PCDHGA5: variants seen among roughly 807,000 people sequenced by gnomAD.
The protein encoded by PCDHGA5 is protocadherin gamma-A5.
In PCDHGA5, 36 loss-of-function variants were observed where a neutral mutation model predicts 56.7. The ratio of observed to expected loss-of-function variants is 0.64; its 90% confidence interval spans 0.49 to 0.84. PCDHGA5 has a LOEUF of 0.84. PCDHGA5 is among the 40% of genes least tolerant of loss of function. PCDHGA5 has a pLI of 0.00. For missense variants in PCDHGA5, 1,305 were observed against 1,201.5 expected, an observed-to-expected ratio of 1.09 and a Z score of -1.27; for synonymous variants, 563 against 520.2, an observed-to-expected ratio of 1.08 and a Z score of -1.12.
At chr5:141,467,564 G>A (rs926613546) in intron 1 of PCDHGA5, among the ~76,000 whole-genome samples, 5 of 152,152 alleles carry the variant, frequency 3.3e-5, no homozygotes, top group Admixed American at 3.3e-4. Flanking sequence ...TTCCCAAATG[G>A]CTATCCAGTT....
intron 1 of PCDHGA5, chr5:141,433,096 C>G: frequency 3.1e-6 from 5 of 1,614,118 alleles, no homozygotes; most frequent in Non-Finnish European, 4.2e-6. Flanking sequence ...CAGACATGCT[C>G]GTCAGCCAGG....
At chr5:141,454,092 T>C (rs552760379) in intron 1 of PCDHGA5, among the ~76,000 whole-genome samples, 2 of 152,316 alleles carry the variant, frequency 1.3e-5, no homozygotes, top group East Asian at 3.9e-4. Flanking sequence ...GAAATTTGAA[T>C]TGAACATAAA....
chr5:141,510,621 A>G (rs1317150967), intron 3 of PCDHGA5, among the ~76,000 whole-genome samples: 1 of 152,176 alleles, frequency 6.6e-6, no homozygotes, highest in Non-Finnish European at 1.5e-5. Flanking sequence ...CACTAAAACC[A>G]GAAGAGGTGG....
intron 1 of PCDHGA5, among the ~76,000 whole-genome samples, chr5:141,456,006 T>C (rs909931677): frequency 6.6e-6 from 1 of 151,852 alleles, no homozygotes; most frequent in Non-Finnish European, 1.5e-5. Flanking sequence ...CATGCCATTC[T>C]CCTGCCTCAG....
intron 3 of PCDHGA5, among the ~76,000 whole-genome samples, chr5:141,505,782 T>A (rs1163025757): frequency 6.6e-6 from 1 of 152,204 alleles, no homozygotes; most frequent in Non-Finnish European, 1.5e-5. Context: ...CTAGCTCTGC[T>A]ACTATCCTTG....
At chr5:141,401,756 A>G (rs560146125) in intron 1 of PCDHGA5, among the ~76,000 whole-genome samples, 2 of 152,332 alleles carry the variant, frequency 1.3e-5, no homozygotes, top group African/African-American at 4.8e-5. Context: ...CTCCCATTAC[A>G]TGGTATAAGT....
At chr5:141,408,847 G>A in intron 1 of PCDHGA5, 1 of 1,613,498 alleles carries the variant, frequency 6.2e-7, no homozygotes, top group African/African-American at 1.3e-5. Flanking sequence ...TGACTGCCTT[G>A]GACGGAGGGG....
At position 141,485,144 on chromosome 5, in the gene PCDHGA5, G is replaced by A; in HGVS notation, c.2422-9663G>A. 6.4e-7 allele frequency: 1 copy of A among 1,564,192 alleles called. No homozygotes were observed. The highest frequency in any genetic ancestry group is 1.7e-5 in the Admixed American group (1 of 59,326). On this transcript the variant is annotated intron_variant, in intron 1 of 3. Transcript: ENST00000518069. This position sits in a 1 kb window ranked among gnomAD's most constrained non-coding sequence, Gnocchi z 5.7. ...CGGGTCGGCTTCATCCGCGTCTCAG[G>A]AGCAAGTAGAGAATTAGCGGGCGGC...
In PCDHGA5 at chr5:141,485,869, G is replaced by A; in HGVS notation, c.2422-8938G>A. On this transcript the variant is annotated intron_variant, in intron 1 of 3. Coordinates refer to ENST00000518069, the MANE Select transcript of PCDHGA5 (RefSeq NM_018918.3). The surrounding 1 kb of genome is among the most constrained non-coding windows in gnomAD (Gnocchi z 5.7). ...GCACCGCAGAGCTCCGGGTATCCGT[G>A]CTGGACGTAAACGACAACGCCCCAG... is the stretch of plus-strand genomic sequence containing the variant. 1 of 1,614,176 alleles carries A rather than the reference G, an allele frequency of 6.2e-7. No individual in the cohort carries two copies. The highest frequency in any genetic ancestry group is 8.5e-7 in the Non-Finnish European group (1 of 1,180,040).
intron 1 of PCDHGA5, chr5:141,403,362 G>C: frequency 6.2e-7 from 1 of 1,614,062 alleles, no homozygotes; most frequent in Non-Finnish European, 8.5e-7. Flanking sequence ...CAGGCCGAAA[G>C]TCTGGAAGTA....
At chr5:141,374,037 C>G (rs1770042713) in intron 1 of PCDHGA5, 8 of 1,446,082 alleles carry the variant, frequency 5.5e-6, no homozygotes, top group Non-Finnish European at 7.3e-6. Context: ...TGATGCAGAT[C>G]TGTTCTTCCT....
intron 1 of PCDHGA5, chr5:141,379,639 A>G (rs1775719450): frequency 6.6e-6 from 1 of 152,198 alleles, no homozygotes; most frequent in African/African-American, 2.4e-5. Context: ...CTCTGATGGA[A>G]AAACTACCAA....
At position 141,485,971 on chromosome 5, in the gene PCDHGA5, C is replaced by T; in HGVS notation, c.2422-8836C>T. On this transcript the variant is annotated intron_variant, in intron 1 of 3. Transcript: ENST00000518069. This position sits in a 1 kb window ranked among gnomAD's most constrained non-coding sequence, Gnocchi z 5.7. Reference sequence around the variant, plus strand: ...GCATGGTGCTCATCCAGCTCAATGCCTCAGACCCGGACCTGGGTCCCAGTG... The same window carrying T: ...GCATGGTGCTCATCCAGCTCAATGCTTCAGACCCGGACCTGGGTCCCAGTG... The T allele has an allele frequency of 6.2e-7, 1 of 1,614,196 alleles. No individual in the cohort carries two copies. The highest frequency in any genetic ancestry group is 8.5e-7 in the Non-Finnish European group (1 of 1,180,042).
chr5:141,502,694 G>A (rs1039264846), intron 2 of PCDHGA5, among the ~76,000 whole-genome samples: 5 of 152,180 alleles, frequency 3.3e-5, no homozygotes, highest in African/African-American at 1.2e-4. Flanking sequence ...ATCCTTGCCT[G>A]TATCTGTTTT....
chr5:141,407,589 C>G (rs1305349867), intron 1 of PCDHGA5, among the ~76,000 whole-genome samples: 1 of 151,660 alleles, frequency 6.6e-6, no homozygotes, highest in Non-Finnish European at 1.5e-5. Context: ...ACCTTAATGT[C>G]TCATCTTAAA....
At chr5:141,379,459 C>G (rs1775609883) in intron 1 of PCDHGA5, 1 of 152,182 alleles carries the variant, frequency 6.6e-6, no homozygotes, top group East Asian at 1.9e-4. Flanking sequence ...TTCATAAACT[C>G]TGAAAGTGTG....
intron 1 of PCDHGA5, chr5:141,405,320 C>A (rs1183399090): frequency 6.2e-7 from 1 of 1,614,188 alleles, no homozygotes; most frequent in South Asian, 1.1e-5. Flanking sequence ...GAAAAATGAG[C>A]CTTTGTGCGT....
In PCDHGA5 at chr5:141,388,019, C is replaced by T. The variant is rs1218468252; in HGVS notation, c.2421+21268C>T. On this transcript the variant is annotated intron_variant, in intron 1 of 3. Transcript: ENST00000518069. ...TTCCCGAGGAAATGCCCAAGGGCTC[C>T]GTAGTGGGGAACCTCGCCACGGACC... 4.1e-6 allele frequency: 6 copies of T among 1,458,652 alleles called. 1 individual carries two copies. The highest frequency in any genetic ancestry group is 2.4e-4 in the Middle Eastern group (1 of 4,164). 90.4% of individuals were successfully genotyped at this position (1,458,652 alleles called of 1,614,324 possible). A position where few individuals can be genotyped will look rare whatever the true frequency, so the allele number is the denominator to read the frequency against.
chr5:141,461,196 T>C (rs1398352067), intron 1 of PCDHGA5, among the ~76,000 whole-genome samples: 3 of 152,128 alleles, frequency 2.0e-5, no homozygotes. Context: ...TGTTTTTTGC[T>C]CTTTAGAGAA....
Sources: allele counts gnomAD v4.1 joint callset (sites outside exome capture counted in the v4.1 genomes callset), GRCh38; gene constraint gnomAD v4.1.1; non-coding constraint Gnocchi (gnomAD v3.1); transcripts MANE v1.5; gene names NCBI Gene and HGNC (gene_info 2026-07-23, HGNC 2026-07-21).